The following HLTF variants were observed in gnomAD, a reference collection of about 807,000 sequenced individuals.
HLTF encodes DNA-dependent ATPase/E3 ubiquitin-protein ligase HLTF.
A neutral mutation model predicts 129.4 loss-of-function variants in HLTF; 127 were observed. That is an observed-to-expected ratio of 0.98 (90% CI 0.85 to 1.14). The LOEUF is 1.14. Ranked by LOEUF, HLTF falls within the 50% of genes most tolerant of loss-of-function variation. The pLI is 0.00. For synonymous variants in HLTF, 332 were observed against 388.8 expected, an observed-to-expected ratio of 0.85 and a Z score of 1.72; for missense variants, 1,139 against 1,187.1, an observed-to-expected ratio of 0.96 and a Z score of 0.60.
chr3:149,048,728 T>C, intron 16 of HLTF, 135 bp downstream of exon 16: 1 of 645,598 alleles, frequency 1.5e-6, no homozygotes, highest in Non-Finnish European at 2.7e-6. Context: ...CTCAAAACAT[T>C]TGATTAAATT....
chr3:149,086,291 C>T (rs186839426), intron 1 of HLTF, 26 bp downstream of exon 1: 32 of 1,599,966 alleles, frequency 2.0e-5, no homozygotes, highest in Non-Finnish European at 9.4e-6. Context: ...TTAGACCGAG[C>T]GCCCCACCCC....
At chr3:149,039,807 G>A in intron 21 of HLTF, 114 bp from the exon 22 acceptor site, 2 of 678,050 alleles carry the variant, frequency 2.9e-6, no homozygotes, top group South Asian at 4.9e-5. Context: ...AAATGCAAAA[G>A]ACTACTCATT....
Position 149,075,995 on chromosome 3 carries a change from T to G in HLTF, c.281A>C (p.Asp94Ala). ...ALQRDPNNPY[D>A]KNAIKVNNVN... ...ATTGTTTACTTTAATTGCATTCTTA[T>G]CATAAGGGTTATTAGGATCTCGTTG... The change falls in exon 3 of 25, where the codon GAT (aspartate) becomes GCT (alanine). Residue 94 changes from aspartate (D) to alanine (A), a missense_variant. By Grantham distance (126) the Asp-to-Ala change is moderately radical (BLOSUM62 -2). Transcript: ENST00000310053. 7.1e-6 allele frequency: 11 copies of G among 1,549,794 alleles called. No individual in the cohort carries two copies. The South Asian group carries it at 1.2e-4, about 17-fold the overall frequency.
At chr3:149,066,053 T>TC (rs1334089258) in intron 8 of HLTF, among the ~76,000 whole-genome samples, 1 of 152,116 alleles carries the variant, frequency 6.6e-6, no homozygotes, top group Admixed American at 6.5e-5. Context: ...CATCTTCTTT[T>TC]TTTTTTTTCT....
At position 149,086,466 on chromosome 3, in the gene HLTF, G is replaced by A; in HGVS notation, c.-130C>T. The stretch of plus-strand genomic sequence containing the variant: ...AAATTCCGAGCGCCGGATCAGGAGC[G>A]CACGACTGAAAGGTAAGTCGCCGCG... On this transcript the variant is annotated 5_prime_UTR_variant, in exon 1 of 25. Transcript: ENST00000310053. 1.9e-6 allele frequency: 2 copies of A among 1,063,920 alleles called. No individual in the cohort carries two copies. The highest frequency in any genetic ancestry group is 2.6e-5 in the East Asian group (1 of 38,750). 65.9% of individuals were successfully genotyped at this position (1,063,920 alleles called of 1,614,324 possible).
chr3:149,081,057 T>C (rs2108071560), intron 2 of HLTF, among the ~76,000 whole-genome samples: 2 of 152,302 alleles, frequency 1.3e-5, no homozygotes, highest in Middle Eastern at 6.8e-3. Context: ...ACAAATGTGT[T>C]ACAATTGCCC....
At chr3:149,074,849 A>G (rs1719209816) in intron 3 of HLTF, among the ~76,000 whole-genome samples, 1 of 152,234 alleles carries the variant, frequency 6.6e-6, no homozygotes, top group South Asian at 2.1e-4. Flanking sequence ...ATATCCTAAA[A>G]ATTAGAATTA....
rs769936829 is a variant in HLTF, at chr3:149,039,191, A to G, written c.2654T>C (p.Met885Thr). 1 of 1,606,124 alleles carries G rather than the reference A, an allele frequency of 6.2e-7. No homozygotes were observed. The highest frequency in any genetic ancestry group is 8.5e-7 in the Non-Finnish European group (1 of 1,176,870). The change falls in exon 23 of 25, where the codon ATG becomes ACG. Residue 885 changes from methionine (M) to threonine (T), a missense_variant. By Grantham distance (81) the Met-to-Thr change is moderately conservative. Coordinates refer to ENST00000310053, the MANE Select transcript of HLTF (RefSeq NM_003071.4). The part of the protein sequence containing the change: ...GFVFTRLDGS[M>T]AQKKRVESIQ... Reference sequence around the variant, plus strand: ...TGATTCAACTCTTTTCTTTTGGGCCATGGAACCATCCAAACGAGTAAACAC... The same window carrying G: ...TGATTCAACTCTTTTCTTTTGGGCCGTGGAACCATCCAAACGAGTAAACAC...
At chr3:149,055,627 C>T (rs1256488535) in intron 13 of HLTF, among the ~76,000 whole-genome samples, 1 of 152,164 alleles carries the variant, frequency 6.6e-6, no homozygotes, top group Non-Finnish European at 1.5e-5. Flanking sequence ...GAGTAGGTCA[C>T]AAGGAGGAAG....
chr3:149,046,419 A>G (rs1716553892), intron 17 of HLTF, among the ~76,000 whole-genome samples, 160 bp from the exon 18 acceptor site: 1 of 152,192 alleles, frequency 6.6e-6, no homozygotes, highest in African/African-American at 2.4e-5. Context: ...TGATAATCAC[A>G]GAAGTATTCT....
At chr3:149,070,644 A>C (rs531747372) in intron 7 of HLTF, among the ~76,000 whole-genome samples, 13 of 152,198 alleles carry the variant, frequency 8.5e-5, no homozygotes, top group African/African-American at 2.9e-4. Flanking sequence ...TCTGCATAAC[A>C]CAATATTTGT....
intron 13 of HLTF, 56 bp downstream of exon 13, chr3:149,059,662 T>C: frequency 9.5e-7 from 1 of 1,056,830 alleles, no homozygotes; most frequent in Non-Finnish European, 1.4e-6. Context: ...TTTTAAATTT[T>C]TTCATTCAAA....
intron 12 of HLTF, among the ~76,000 whole-genome samples, chr3:149,060,297 A>C (rs1717812692): frequency 6.6e-6 from 1 of 152,140 alleles, no homozygotes; most frequent in South Asian, 2.1e-4. Flanking sequence ...TAATGTAAAC[A>C]ATAATAGTAT....
rs191054136 is a variant in HLTF, at chr3:149,084,559, C to A, written c.228+123G>T. 34 of 728,720 alleles carry A rather than the reference C, an allele frequency of 4.7e-5. No homozygotes were observed. The East Asian group carries it at 7.3e-4, about 16-fold the overall frequency. The allele number at this position is 728,720 out of a possible 1,614,324, so 45.1% of individuals were successfully genotyped here. ...TAAGGTATTTGTTATTTTTTGCGTA[C>A]AAATATTTAACTAACTTAAAGTAAA... On this transcript the variant is annotated intron_variant, in intron 2 of 24. Coordinates refer to ENST00000310053, the MANE Select transcript of HLTF (RefSeq NM_003071.4).
chr3:149,085,026 C>G (rs371583563), intron 1 of HLTF, 137 bp from the exon 2 acceptor site: 1 of 666,404 alleles, frequency 1.5e-6, no homozygotes, highest in Non-Finnish European at 2.5e-6. Context: ...TAGTTACTCT[C>G]GTTAAAGCAG....
rs749969364 is a variant in HLTF, at chr3:149,039,236, G to A, written c.2616-7C>T. ...AAACACAAATCCAGAGGCTCTAAAG[G>A]GGGGAAGAAAAGAGACAAGTAACAA... On this transcript the variant is annotated splice_region_variant and splice_polypyrimidine_tract_variant and intron_variant, in intron 22 of 24. Transcript: ENST00000310053. 11 of 1,511,220 alleles carry A rather than the reference G, an allele frequency of 7.3e-6. No individual in the cohort carries two copies. Among genetic ancestry groups the A allele is most frequent in the Non-Finnish European group, 9.7e-6 (11 of 1,129,672 alleles). 93.6% of individuals were successfully genotyped at this position (1,511,220 alleles called of 1,614,324 possible). A position where few individuals can be genotyped will look rare whatever the true frequency, so the allele number is the denominator to read the frequency against.
intron 14 of HLTF, among the ~76,000 whole-genome samples, chr3:149,051,881 G>A (rs954865742): frequency 2.7e-5 from 4 of 149,772 alleles, no homozygotes; most frequent in South Asian, 2.1e-4. Flanking sequence ...AAAAAAGGCC[G>A]GGTGCAGTGG....
intron 24 of HLTF, among the ~76,000 whole-genome samples, chr3:149,034,624 G>A (rs1715413007): frequency 6.6e-6 from 1 of 152,124 alleles, no homozygotes; most frequent in South Asian, 2.1e-4. Flanking sequence ...ATGTACTTAT[G>A]AGGTAGTCTC....
chr3:149,052,432 TTTTAA>T (rs1717076602), intron 14 of HLTF, among the ~76,000 whole-genome samples: 1 of 152,180 alleles, frequency 6.6e-6, no homozygotes, highest in African/African-American at 2.4e-5. Context: ...CAAGGTGGAC[TTTTAA>T]TTTGTCATCT....
Sources: gnomAD v4.1 joint callset for allele counts (sites outside exome capture counted in the v4.1 genomes callset) on GRCh38, gnomAD v4.1.1 for gene constraint, MANE v1.5 for transcripts, NCBI Gene and HGNC (gene_info 2026-07-23, HGNC 2026-07-21) for gene names.